The following RBFOX1 variants were observed in gnomAD, a reference collection of about 807,000 sequenced individuals.
The protein encoded by RBFOX1 is RNA binding fox-1 homolog 1.
A neutral mutation model predicts 57.7 loss-of-function variants in RBFOX1; 8 were observed. That is an observed-to-expected ratio of 0.14 (90% confidence interval 0.08 to 0.25). The LOEUF (loss-of-function observed/expected upper bound fraction) is 0.25, where lower values mean the gene tolerates loss of function less well. Among genes scored for constraint, RBFOX1 ranks in the 10% least tolerant of loss-of-function variants. The pLI is 1.00. For missense variants in RBFOX1, 611 were observed against 548.5 expected (o/e 1.11, Z -1.14); for synonymous variants, 326 against 222.4 (o/e 1.47, Z -4.15).
intron 3 of RBFOX1, among the ~76,000 whole-genome samples, chr16:5,643,792 C>A (rs1261306283): frequency 6.6e-6 from 1 of 152,200 alleles, no homozygotes; most frequent in Admixed American, 6.5e-5. Flanking sequence ...CCATCCACTA[C>A]TGTCCCCTAA....
At chr16:7,518,694 G>GGA (rs1600696971) in intron 5 of RBFOX1, among the ~76,000 whole-genome samples, 4 of 149,600 alleles carry the variant, frequency 2.7e-5, no homozygotes, top group East Asian at 3.9e-4. Context: ...CATTTTTTTG[G>GGA]AAAAAAAAAA....
intron 5 of RBFOX1, among the ~76,000 whole-genome samples, chr16:7,570,973 G>T (rs1260660232): frequency 1.3e-5 from 2 of 152,148 alleles, no homozygotes; most frequent in Non-Finnish European, 2.9e-5. Flanking sequence ...TCAGCAAACT[G>T]ATGCAGGAAC....
At chr16:6,340,709 C>T (rs1037982526) in intron 2 of RBFOX1, among the ~76,000 whole-genome samples, 2 of 152,180 alleles carry the variant, frequency 1.3e-5, no homozygotes, top group African/African-American at 2.4e-5. Context: ...GTTTTATGAG[C>T]AAGGTCTTTA....
At chr16:7,025,882 A>G (rs1255804285) in intron 3 of RBFOX1, among the ~76,000 whole-genome samples, 5 of 152,110 alleles carry the variant, frequency 3.3e-5, no homozygotes, top group Non-Finnish European at 2.9e-5. Flanking sequence ...TGAGCTGCTT[A>G]ATAGTACAGG....
chr16:6,265,205 C>T (rs1285842100), intron 1 of RBFOX1, among the ~76,000 whole-genome samples: 2 of 152,150 alleles, frequency 1.3e-5, no homozygotes, highest in South Asian at 2.1e-4. Flanking sequence ...TGTCTGGTTA[C>T]CCTCGGGCCT....
chr16:6,012,034 A>T (rs2094964074), intron 4 of RBFOX1, among the ~76,000 whole-genome samples: 1 of 152,214 alleles, frequency 6.6e-6, no homozygotes, highest in Non-Finnish European at 1.5e-5. Flanking sequence ...ACTTCCACAG[A>T]GCTGTTACCC....
chr16:7,292,130 AATGTATT>A (rs2095793602), intron 4 of RBFOX1, among the ~76,000 whole-genome samples: 1 of 135,478 alleles, frequency 7.4e-6, no homozygotes, highest in African/African-American at 2.7e-5. Context: ...TATAATATAT[AATGTATT>A]ACGTATGATA....
At chr16:5,390,033 A>G (rs1342474327) in intron 1 of RBFOX1, among the ~76,000 whole-genome samples, 1 of 152,010 alleles carries the variant, frequency 6.6e-6, no homozygotes, top group African/African-American at 2.4e-5. Flanking sequence ...TGTACTTTCC[A>G]TTTTTATTCT....
chr16:5,745,446 C>G (rs1296293923), intron 3 of RBFOX1, among the ~76,000 whole-genome samples: 1 of 152,140 alleles, frequency 6.6e-6, no homozygotes. Flanking sequence ...ACAATCCTTT[C>G]AGTATATACC....
intron 4 of RBFOX1, among the ~76,000 whole-genome samples, chr16:7,237,334 G>A (rs1209561899): frequency 6.6e-6 from 1 of 152,180 alleles, no homozygotes; most frequent in South Asian, 2.1e-4. Context: ...TCAGAGTGCA[G>A]AATGGATTTT....
chr16:7,541,443 T>C (rs935870379), intron 5 of RBFOX1, among the ~76,000 whole-genome samples: 3 of 151,470 alleles, frequency 2.0e-5, no homozygotes, highest in African/African-American at 7.3e-5. Context: ...AGGATCTCAT[T>C]AGTGTTTGTT....
chr16:6,002,288 C>G (rs907099683), intron 4 of RBFOX1, among the ~76,000 whole-genome samples: 4 of 152,198 alleles, frequency 2.6e-5, no homozygotes, highest in African/African-American at 9.6e-5. Context: ...CCATTTTCAA[C>G]TTACGATTGT....
At chr16:7,329,723 G>C (rs2096659529) in intron 4 of RBFOX1, among the ~76,000 whole-genome samples, 1 of 152,110 alleles carries the variant, frequency 6.6e-6, no homozygotes, top group Admixed American at 6.6e-5. Flanking sequence ...GGAGGTGGGA[G>C]GGACAGCCCT....
intron 4 of RBFOX1, among the ~76,000 whole-genome samples, chr16:7,495,787 T>C (rs2068429232): frequency 6.6e-6 from 1 of 152,166 alleles, no homozygotes; most frequent in Non-Finnish European, 1.5e-5. Context: ...CACCAAAATC[T>C]CAGAAATCCG....
At chr16:7,446,168 C>A (rs775645131) in intron 4 of RBFOX1, among the ~76,000 whole-genome samples, 7 of 152,152 alleles carry the variant, frequency 4.6e-5, no homozygotes, top group Non-Finnish European at 1.0e-4. Context: ...TTGTCATTGA[C>A]AAATAGGGCT....
chr16:5,743,769 C>T (rs934500915), intron 3 of RBFOX1, among the ~76,000 whole-genome samples: 1 of 152,130 alleles, frequency 6.6e-6, no homozygotes, highest in Admixed American at 6.5e-5. Context: ...TCTGAAACTC[C>T]TGGCCCTAAG....
At chr16:6,879,385 A>C (rs1004132391) in intron 3 of RBFOX1, among the ~76,000 whole-genome samples, 1 of 152,104 alleles carries the variant, frequency 6.6e-6, no homozygotes, top group Admixed American at 6.5e-5. Flanking sequence ...TGCCCTGTTT[A>C]TATTTATTGG....
At chr16:5,831,596 TCTC>T (rs1237573343) in intron 3 of RBFOX1, among the ~76,000 whole-genome samples, 1 of 151,772 alleles carries the variant, frequency 6.6e-6, no homozygotes. Flanking sequence ...TTCAAGCAAT[TCTC>T]CTGCTGTAGT....
At chr16:6,629,470 A>C (rs2098355781) in intron 2 of RBFOX1, among the ~76,000 whole-genome samples, 1 of 152,206 alleles carries the variant, frequency 6.6e-6, no homozygotes, top group South Asian at 2.1e-4. Flanking sequence ...TGTCACAAAT[A>C]GTTAAGTTGG....
Sources: gnomAD v4.1 joint callset for allele counts (sites outside exome capture counted in the v4.1 genomes callset) on GRCh38, gnomAD v4.1.1 for gene constraint, MANE v1.5 for transcripts, NCBI Gene and HGNC (gene_info 2026-07-23, HGNC 2026-07-21) for gene names.